The following ATXN1 variants were observed in gnomAD, a reference collection of about 807,000 sequenced individuals.
ATXN1 encodes ataxin 1.
A neutral mutation model predicts 56.4 loss-of-function variants in ATXN1; 8 were observed. The ratio of observed to expected loss-of-function variants is 0.14; its 90% CI spans 0.08 to 0.26. The LOEUF is 0.26. ATXN1 is among the 10% of genes least tolerant of loss of function. The probability of loss-of-function intolerance (pLI) is 1.00; values close to 1 mark genes in which losing one functional copy is unlikely to be tolerated. For synonymous variants in ATXN1, 514 were observed against 494.6 expected (o/e 1.04, Z -0.52); for missense variants, 987 against 1,106.5 (o/e 0.89, Z 1.53).
chr6:16,694,330 C>A (rs982906986), intron 2 of ATXN1, among the ~76,000 whole-genome samples: 1 of 148,886 alleles, frequency 6.7e-6, no homozygotes, highest in Admixed American at 6.8e-5. Flanking sequence ...TGGCTCACTG[C>A]AAGCTCCGCC....
intron 7 of ATXN1, among the ~76,000 whole-genome samples, chr6:16,315,748 G>T (rs1760493298): frequency 6.6e-6 from 1 of 152,072 alleles, no homozygotes; most frequent in Non-Finnish European, 1.5e-5. Context: ...CTGCAGCCTT[G>T]ACCTCGTGGG....
rs548020499 is a variant in ATXN1, at chr6:16,499,267, A to G, written c.-298-13158T>C. On this transcript the variant is annotated intron_variant, in intron 5 of 7. Transcript: ENST00000436367. ...TCAGCACCAATTGTTGAAAAGAGGTAAGAGAGATTTTGAGTATGAAGTGAT... is the reference window on the plus strand; with the variant it reads ...TCAGCACCAATTGTTGAAAAGAGGTGAGAGAGATTTTGAGTATGAAGTGAT... Among the ~76,000 whole-genome samples the G allele has an allele frequency of 5.3e-5, 8 of 152,338 alleles. No individual in the cohort carries two copies. The East Asian group carries it at 1.5e-3, about 29-fold the overall frequency.
chr6:16,593,985 T>A (rs982647444), intron 3 of ATXN1, among the ~76,000 whole-genome samples: 1 of 148,598 alleles, frequency 6.7e-6, no homozygotes, highest in Admixed American at 6.7e-5. Context: ...TTATTATATA[T>A]TAGACTAATA....
At chr6:16,550,619 A>G (rs371610095) in intron 4 of ATXN1, among the ~76,000 whole-genome samples, 2 of 152,204 alleles carry the variant, frequency 1.3e-5, no homozygotes, top group East Asian at 1.9e-4. Flanking sequence ...ATTATTCCCA[A>G]TTTATAGAAA....
intron 5 of ATXN1, among the ~76,000 whole-genome samples, chr6:16,503,497 C>T (rs1435404393): frequency 6.6e-6 from 1 of 152,158 alleles, no homozygotes; most frequent in African/African-American, 2.4e-5. Context: ...TTGACAGATG[C>T]CAAGACACCC....
intron 6 of ATXN1, among the ~76,000 whole-genome samples, chr6:16,454,404 T>C (rs1384161454): frequency 6.6e-6 from 1 of 152,162 alleles, no homozygotes; most frequent in Non-Finnish European, 1.5e-5. Context: ...AGCAGCATAA[T>C]TGCATAAATG....
At chr6:16,399,269 T>TG (rs1160449327) in intron 6 of ATXN1, among the ~76,000 whole-genome samples, 9 of 152,192 alleles carry the variant, frequency 5.9e-5, no homozygotes, top group African/African-American at 1.9e-4. Context: ...CAAGAGATGA[T>TG]GGAGTTTCCA....
At chr6:16,566,670 T>G (rs9396684) in intron 4 of ATXN1, among the ~76,000 whole-genome samples, 17,529 of 151,694 alleles carry the variant, frequency 0.12, 1,608 homozygotes, top group East Asian at 0.44. Flanking sequence ...TGGCGAACAC[T>G]GTGAAACCCC....
At chr6:16,616,144 AT>A (rs1763204692) in intron 3 of ATXN1, 1 of 152,236 alleles carries the variant, frequency 6.6e-6, no homozygotes, top group South Asian at 2.1e-4. Context: ...AAAGTTAAAA[AT>A]ATTAAAATAC....
At chr6:16,350,737 G>C (rs1382318086) in intron 6 of ATXN1, among the ~76,000 whole-genome samples, 1 of 152,146 alleles carries the variant, frequency 6.6e-6, no homozygotes, top group East Asian at 1.9e-4. Context: ...GGGGAGGGAA[G>C]GATTTTCAGT....
At chr6:16,399,619 CCTCTGGCT>C (rs942372498) in intron 6 of ATXN1, among the ~76,000 whole-genome samples, 1 of 152,152 alleles carries the variant, frequency 6.6e-6, no homozygotes, top group African/African-American at 2.4e-5. Flanking sequence ...TCCTTCTAAC[CCTCTGGCT>C]CTCAACCGGA....
intron 2 of ATXN1, among the ~76,000 whole-genome samples, chr6:16,724,002 T>C (rs187345244): frequency 1.6e-4 from 25 of 152,330 alleles, no homozygotes; most frequent in Admixed American, 3.9e-4. Flanking sequence ...ACCTCAAGCA[T>C]GATGACTTCA....
At chr6:16,679,149 T>C (rs1758747699) in intron 2 of ATXN1, among the ~76,000 whole-genome samples, 1 of 147,470 alleles carries the variant, frequency 6.8e-6, no homozygotes, top group Non-Finnish European at 1.5e-5. Context: ...GATGAATGGA[T>C]GGGTGGATGG....
intron 6 of ATXN1, among the ~76,000 whole-genome samples, chr6:16,404,848 C>T (rs902542236): frequency 6.6e-6 from 1 of 152,304 alleles, no homozygotes; most frequent in Middle Eastern, 3.4e-3. Context: ...GAGAGGGTCC[C>T]ACCCCCACCT....
intron 3 of ATXN1, among the ~76,000 whole-genome samples, chr6:16,589,988 A>G (rs563531546): frequency 6.6e-6 from 1 of 152,318 alleles, no homozygotes; most frequent in South Asian, 2.1e-4. Flanking sequence ...AAAATTATCT[A>G]TGAAGTCTAA....
intron 7 of ATXN1, among the ~76,000 whole-genome samples, chr6:16,314,621 TA>T (rs1259946163): frequency 2.6e-5 from 4 of 151,976 alleles, no homozygotes; most frequent in Admixed American, 6.6e-5. Flanking sequence ...TTATTATTAT[TA>T]TTTTTTTTTT....
chr6:16,536,708 C>T (rs867280504), intron 4 of ATXN1, among the ~76,000 whole-genome samples: 64 of 152,106 alleles, frequency 4.2e-4, no homozygotes, highest in Admixed American at 3.3e-4. Context: ...TGTGCTATTG[C>T]AATGTGCTAC....
intron 4 of ATXN1, among the ~76,000 whole-genome samples, chr6:16,559,869 A>G (rs2113737467): frequency 6.6e-6 from 1 of 151,912 alleles, no homozygotes. Flanking sequence ...AAAAAAAAAT[A>G]AAGTTTTTTA....
chr6:16,737,938 G>A (rs1760194718), intron 2 of ATXN1: 1 of 151,894 alleles, frequency 6.6e-6, no homozygotes, highest in East Asian at 1.9e-4. Context: ...AAACAAAATA[G>A]ACGGCATCCA....
Sources: gnomAD v4.1 joint callset for allele counts (sites outside exome capture counted in the v4.1 genomes callset) on GRCh38, gnomAD v4.1.1 for gene constraint, MANE v1.5 for transcripts, NCBI Gene and HGNC (gene_info 2026-07-23, HGNC 2026-07-21) for gene names.